GRK7: variants seen among roughly 807,000 people sequenced by gnomAD.
The protein encoded by GRK7 is G protein-coupled receptor kinase 7.
Under a neutral mutation model 34.1 loss-of-function variants are expected in GRK7, and 24 were observed. The ratio of observed to expected loss-of-function variants is 0.70; its 90% CI spans 0.51 to 0.99. The LOEUF is 0.99. Ranked by LOEUF, GRK7 falls within the 50% of genes least tolerant of loss-of-function variation. GRK7 has a pLI of 0.00. For missense variants in GRK7, 644 were observed against 707.3 expected, an observed-to-expected ratio of 0.91 and a Z score of 1.02; for synonymous variants, 256 against 279.4, an observed-to-expected ratio of 0.92 and a Z score of 0.84.
At chr3:141,762,262 C>G (rs1434323672), upstream of GRK7, among the ~76,000 whole-genome samples, 1 of 151,932 alleles carries the variant, frequency 6.6e-6, no homozygotes, top group Non-Finnish European at 1.5e-5. Context: ...TACTTTTGGT[C>G]TTGATGATGG....
At chr3:141,814,177 G>T (rs1364728717) in intron 5 of GRK7, among the ~76,000 whole-genome samples, 1 of 152,002 alleles carries the variant, frequency 6.6e-6, no homozygotes, top group Non-Finnish European at 1.5e-5. Flanking sequence ...TCTAATTGAG[G>T]TTGACTTATG....
chr3:141,816,802 G>A lies in GRK7; in HGVS notation c.1414G>A (p.Val472Met). 6.2e-7 allele frequency: 1 copy of A among 1,608,542 alleles called. No individual in the cohort carries two copies. Among genetic ancestry groups the A allele is most frequent in the Non-Finnish European group, 8.5e-7 (1 of 1,176,090 alleles). The change falls in exon 6 of 6, where the codon GTG becomes ATG. Residue 472 changes from valine to methionine, a missense_variant. Physicochemically the swap from Val to Met is conservative, Grantham distance 21 (BLOSUM62 1). Transcript: ENST00000682958. The stretch of plus-strand genomic sequence containing the variant: ...AGCTGGCCTAATTGAACCCCCATTT[G>A]TGCCAGACCCTTCAGTGGTTTATGC... Reference protein sequence around the residue: ...LEAGLIEPPFVPDPSVVYAKD... With the variant: ...LEAGLIEPPFMPDPSVVYAKD...
Position 141,807,578 on chromosome 3 carries a change from G to C in GRK7, c.1051-67G>C. 3 of 1,387,286 alleles carry C rather than the reference G, an allele frequency of 2.2e-6. No homozygotes were observed. The South Asian group carries it at 3.8e-5, about 18-fold the overall frequency. The allele number at this position is 1,387,286 out of a possible 1,614,324, so 85.9% of individuals were successfully genotyped here. A position where few individuals can be genotyped will look rare whatever the true frequency, so the allele number is the denominator to read the frequency against. On this transcript the variant is annotated intron_variant, in intron 4 of 5. Transcript: ENST00000682958. ...ATGTGTATTAGGTAGGCAGTCAGCA[G>C]TGTCTGCTACACTCACCTTAGTGTC...
At chr3:141,796,916 C>T (rs993797882) in intron 4 of GRK7, among the ~76,000 whole-genome samples, 2 of 152,152 alleles carry the variant, frequency 1.3e-5, no homozygotes, top group African/African-American at 4.8e-5. Context: ...AGCAGGCCTG[C>T]TGTGCGCCAG....
intron 1 of GRK7, among the ~76,000 whole-genome samples, chr3:141,772,597 A>G (rs570502845): frequency 5.9e-5 from 9 of 152,156 alleles, no homozygotes; most frequent in South Asian, 4.1e-4. Context: ...TAGCTTTACT[A>G]TTTTCCTTAA....
intron 5 of GRK7, among the ~76,000 whole-genome samples, chr3:141,812,083 A>C (rs1479782932): frequency 6.6e-6 from 1 of 152,236 alleles, no homozygotes; most frequent in Non-Finnish European, 1.5e-5. Flanking sequence ...AAACAATTTC[A>C]TGGTTCTTGG....
At chr3:141,816,034 G>A (rs1158375658) in intron 5 of GRK7, among the ~76,000 whole-genome samples, 3 of 152,130 alleles carry the variant, frequency 2.0e-5, no homozygotes, top group African/African-American at 7.2e-5. Context: ...TTGTTACACA[G>A]CAATAGAAAA....
At position 141,787,395 on chromosome 3, in the gene GRK7, G is replaced by A. The variant is rs542734105; in HGVS notation, c.1050+6584G>A. On this transcript the variant is annotated intron_variant, in intron 4 of 5. Coordinates refer to ENST00000682958, the MANE Select transcript of GRK7 (RefSeq NM_139209.3). Reference sequence around the variant, plus strand: ...TCCCAGCAGTTTGGGAGGCTGAGGCGGGTGGATCACCTGAGGTCAGGAGCT... The same window carrying A: ...TCCCAGCAGTTTGGGAGGCTGAGGCAGGTGGATCACCTGAGGTCAGGAGCT... Among the ~76,000 whole-genome samples, 44 of 152,100 alleles carry A rather than the reference G, an allele frequency of 2.9e-4. No homozygotes were observed. The South Asian group carries it at 7.9e-3, about 27-fold the overall frequency.
chr3:141,808,354 T>A (rs1327674833), intron 5 of GRK7, among the ~76,000 whole-genome samples: 2 of 152,124 alleles, frequency 1.3e-5, no homozygotes, highest in Non-Finnish European at 2.9e-5. Flanking sequence ...CATGCAGCCA[T>A]AAAACAAAAC....
rs1358289092 is a variant in GRK7 at position 141,807,723 on chromosome 3, A to G, written c.1129A>G (p.Met377Val). ...TTCCTATCCTGTGGACTGGTTTGCCATGGGATGCAGCATTTATGAAATGGT... is the reference window on the plus strand; with the variant it reads ...TTCCTATCCTGTGGACTGGTTTGCCGTGGGATGCAGCATTTATGAAATGGT... ...SYSYPVDWFA[M>V]GCSIYEMVAG... The change falls in exon 5 of 6, where the codon ATG becomes GTG. Residue 377 changes from methionine to valine, a missense_variant. Transcript: ENST00000682958. 1.2e-6 allele frequency: 2 copies of G among 1,614,100 alleles called. No individual in the cohort carries two copies. The highest frequency in any genetic ancestry group is 1.7e-6 in the Non-Finnish European group (2 of 1,179,930).
intron 4 of GRK7, among the ~76,000 whole-genome samples, chr3:141,783,993 T>C (rs1448327429): frequency 6.6e-6 from 1 of 152,204 alleles, no homozygotes; most frequent in Non-Finnish European, 1.5e-5. Flanking sequence ...GGCATTTGTA[T>C]TGTCCATTGT....
At chr3:141,763,043 A>G (rs1304585842), upstream of GRK7, among the ~76,000 whole-genome samples, 1 of 152,198 alleles carries the variant, frequency 6.6e-6, no homozygotes, top group Non-Finnish European at 1.5e-5. Flanking sequence ...CCCTAGTGAG[A>G]TGAACCCAGT....
At chr3:141,798,377 T>C (rs1037162674) in intron 4 of GRK7, among the ~76,000 whole-genome samples, 8 of 152,190 alleles carry the variant, frequency 5.3e-5, no homozygotes, top group African/African-American at 1.9e-4. Flanking sequence ...TGACCAGGTG[T>C]TGACTGTGTG....
chr3:141,816,076 A>G (rs2097756514), intron 5 of GRK7, among the ~76,000 whole-genome samples: 1 of 152,210 alleles, frequency 6.6e-6, no homozygotes, highest in South Asian at 2.1e-4. Context: ...CACAGTTGGG[A>G]ACATACTTTT....
chr3:141,802,355 CTCTT>C lies in GRK7; in HGVS notation c.1051-5286_1051-5283del, dbSNP rs564650224. On this transcript the variant is annotated intron_variant, in intron 4 of 5. Coordinates refer to ENST00000682958, the MANE Select transcript of GRK7 (RefSeq NM_139209.3). ...GGTGACAGACTGAAACTCTCTTTCT[CTCTT>C]TCTCTGTCACACACACACACACACA... Among the ~76,000 whole-genome samples the C allele has an allele frequency of 4.1e-4, 58 of 142,150 alleles. No homozygotes were observed. The East Asian group carries it at 0.012, about 28-fold the overall frequency. The allele number at this position is 142,150 out of a possible 152,430, so 93.3% of individuals were successfully genotyped here.
At chr3:141,807,420 C>T (rs749735367) in intron 4 of GRK7, among the ~76,000 whole-genome samples, 3 of 152,196 alleles carry the variant, frequency 2.0e-5, no homozygotes, top group Non-Finnish European at 2.9e-5. Context: ...CTCTTTATCT[C>T]ATTGGCCAAA....
At chr3:141,803,868 C>T (rs111964911) in intron 4 of GRK7, among the ~76,000 whole-genome samples, 3 of 152,026 alleles carry the variant, frequency 2.0e-5, no homozygotes, top group African/African-American at 4.8e-5. Context: ...ATTACAGGCA[C>T]GCCCAGCTAT....
At chr3:141,801,901 T>A (rs1710972562) in intron 4 of GRK7, among the ~76,000 whole-genome samples, 1 of 152,112 alleles carries the variant, frequency 6.6e-6, no homozygotes. Context: ...AATACTTTTT[T>A]AAAAATAGAA....
At chr3:141,769,983 C>T (rs2084609706) in intron 1 of GRK7, among the ~76,000 whole-genome samples, 2 of 152,320 alleles carry the variant, frequency 1.3e-5, no homozygotes, top group East Asian at 3.9e-4. Flanking sequence ...GGCGCAATCT[C>T]GGCCCACTGC....
Sources: gnomAD v4.1 joint callset for allele counts (sites outside exome capture counted in the v4.1 genomes callset) on GRCh38, gnomAD v4.1.1 for gene constraint, MANE v1.5 for transcripts, NCBI Gene and HGNC (gene_info 2026-07-23, HGNC 2026-07-21) for gene names.